The following NELL1 variants were observed in gnomAD, a reference collection of about 807,000 sequenced individuals.
NELL1 encodes neural EGFL like 1.
NELL1 carries 76 observed loss-of-function variants against 107.4 expected under a neutral mutation model. That is an observed-to-expected ratio of 0.71 (90% CI 0.59 to 0.86). NELL1 has a LOEUF of 0.86. Ranked by LOEUF, NELL1 falls within the 40% of genes least tolerant of loss-of-function variation. NELL1 has a pLI of 0.00. For synonymous variants in NELL1, 353 were observed against 341.2 expected (o/e 1.03, Z -0.38); for missense variants, 1,024 against 1,005.5 (o/e 1.02, Z -0.25).
intron 15 of NELL1, 115 bp from the exon 16 acceptor site, chr11:21,534,259 G>T: frequency 8.6e-7 from 1 of 1,167,224 alleles, no homozygotes; most frequent in South Asian, 1.4e-5. Flanking sequence ...TTCATTGTAG[G>T]TGACTAAACA....
intron 15 of NELL1, among the ~76,000 whole-genome samples, chr11:21,413,526 C>T (rs1852430785): frequency 1.3e-5 from 2 of 152,026 alleles, no homozygotes; most frequent in South Asian, 4.1e-4. Context: ...TTCACAAAAT[C>T]TGATTTCCAC....
chr11:21,013,829 T>C (rs1377024413), intron 12 of NELL1, among the ~76,000 whole-genome samples: 2 of 152,158 alleles, frequency 1.3e-5, no homozygotes, highest in African/African-American at 4.8e-5. Context: ...GGGCTACCAC[T>C]TATATTTAGT....
At chr11:21,245,420 A>C (rs1024971026) in intron 14 of NELL1, among the ~76,000 whole-genome samples, 1 of 152,200 alleles carries the variant, frequency 6.6e-6, no homozygotes, top group Non-Finnish European at 1.5e-5. Flanking sequence ...GCTTGTACAC[A>C]GTAAATTCTT....
intron 14 of NELL1, among the ~76,000 whole-genome samples, chr11:21,365,483 G>A (rs913743900): frequency 6.6e-6 from 1 of 152,112 alleles, no homozygotes; most frequent in Non-Finnish European, 1.5e-5. Context: ...ATGATATCAG[G>A]CTTTACTGCA....
chr11:20,904,660 C>T (rs1849954088), intron 5 of NELL1, among the ~76,000 whole-genome samples: 1 of 152,070 alleles, frequency 6.6e-6, no homozygotes, highest in East Asian at 1.9e-4. Context: ...AAGCTTTCAT[C>T]TTTGGCTGAT....
chr11:21,535,109 C>G (rs1175715131), intron 16 of NELL1, among the ~76,000 whole-genome samples: 2 of 152,174 alleles, frequency 1.3e-5, no homozygotes, highest in Admixed American at 6.6e-5. Flanking sequence ...ACCATCATCT[C>G]TTGAAAAGTC....
At chr11:21,502,544 T>A (rs565152110) in intron 15 of NELL1, among the ~76,000 whole-genome samples, 2 of 152,320 alleles carry the variant, frequency 1.3e-5, no homozygotes, top group East Asian at 1.9e-4. Context: ...TTTATCAGAA[T>A]CTTTTTCAAC....
intron 12 of NELL1, among the ~76,000 whole-genome samples, chr11:20,961,124 G>A (rs1445934542): frequency 1.3e-5 from 2 of 152,112 alleles, no homozygotes; most frequent in African/African-American, 2.4e-5. Flanking sequence ...CCATTACAGT[G>A]GGATGGTGGC....
At chr11:21,336,772 T>G (rs1850411947) in intron 14 of NELL1, among the ~76,000 whole-genome samples, 1 of 151,848 alleles carries the variant, frequency 6.6e-6, no homozygotes, top group African/African-American at 2.4e-5. Context: ...ACTGCTGTAC[T>G]CAGTTGGCCC....
intron 4 of NELL1, among the ~76,000 whole-genome samples, chr11:20,854,938 A>G (rs1182092009): frequency 6.6e-6 from 1 of 152,220 alleles, no homozygotes; most frequent in Non-Finnish European, 1.5e-5. Flanking sequence ...CCAATATAAT[A>G]CTTTCAAAAT....
At chr11:20,719,925 G>A (rs571353760) in intron 2 of NELL1, among the ~76,000 whole-genome samples, 1 of 151,992 alleles carries the variant, frequency 6.6e-6, no homozygotes, top group Non-Finnish European at 1.5e-5. Context: ...TCTTTATCTC[G>A]TCCAACTGAA....
intron 13 of NELL1, among the ~76,000 whole-genome samples, chr11:21,191,437 C>T (rs61880837): frequency 2.0e-5 from 3 of 151,878 alleles, no homozygotes; most frequent in East Asian, 1.9e-4. Flanking sequence ...CCTAGAAGTC[C>T]GCCAAAAGAA....
At chr11:21,433,121 T>G (rs1853010783) in intron 15 of NELL1, among the ~76,000 whole-genome samples, 1 of 152,194 alleles carries the variant, frequency 6.6e-6, no homozygotes, top group South Asian at 2.1e-4. Context: ...TGCTAATCTT[T>G]CCATACCTGA....
At chr11:20,743,419 C>G (rs1855935776) in intron 2 of NELL1, among the ~76,000 whole-genome samples, 1 of 152,132 alleles carries the variant, frequency 6.6e-6, no homozygotes, top group African/African-American at 2.4e-5. Flanking sequence ...GAACAAGACT[C>G]ATCGCTTATC....
At chr11:20,723,656 A>T (rs10766715) in intron 2 of NELL1, among the ~76,000 whole-genome samples, 80,468 of 151,760 alleles carry the variant, frequency 0.53, 23,812 homozygotes, top group Middle Eastern at 0.76. Flanking sequence ...CTGTTGCTGG[A>T]TCTATCATTC....
chr11:21,462,358 A>G (rs550109477), intron 15 of NELL1, among the ~76,000 whole-genome samples: 1 of 152,278 alleles, frequency 6.6e-6, no homozygotes, highest in South Asian at 2.1e-4. Context: ...AGCTTAGCCC[A>G]AGTAGCTTTT....
intron 12 of NELL1, among the ~76,000 whole-genome samples, chr11:21,069,483 A>T (rs1352494985): frequency 6.6e-6 from 1 of 152,118 alleles, no homozygotes; most frequent in East Asian, 1.9e-4. Context: ...GACTTAATAG[A>T]GGGACTGGCA....
intron 15 of NELL1, among the ~76,000 whole-genome samples, chr11:21,454,136 ATC>A (rs1853661400): frequency 3.0e-5 from 4 of 134,928 alleles, no homozygotes; most frequent in African/African-American, 1.1e-4. Flanking sequence ...TGTCCATGTG[ATC>A]TCATTGTTCA....
intron 12 of NELL1, among the ~76,000 whole-genome samples, chr11:21,001,334 A>G (rs1444281142): frequency 6.6e-6 from 1 of 152,174 alleles, no homozygotes; most frequent in Non-Finnish European, 1.5e-5. Context: ...GGAGAGGTGG[A>G]TTCTGTCTTC....
Sources: gnomAD v4.1 joint callset for allele counts (sites outside exome capture counted in the v4.1 genomes callset) on GRCh38, gnomAD v4.1.1 for gene constraint, MANE v1.5 for transcripts, NCBI Gene and HGNC (gene_info 2026-07-23, HGNC 2026-07-21) for gene names.